Variants in RNF212 observed in about 807,000 individuals in gnomAD.
RNF212 encodes the protein probable E3 SUMO-protein ligase RNF212.
In RNF212, 33 loss-of-function variants were observed where a neutral mutation model predicts 34.7. The ratio of observed to expected loss-of-function variants is 0.95; its 90% CI spans 0.72 to 1.27. The LOEUF is 1.27. Among genes scored for constraint, RNF212 ranks in the 50% most tolerant of loss-of-function variants. RNF212 has a pLI of 0.00. For synonymous variants in RNF212, 140 were observed against 136.1 expected (o/e 1.03, Z -0.20); for missense variants, 377 against 362.2 (o/e 1.04, Z -0.33).
chr4:1,078,695 G>C (rs1256258294), intron 8 of RNF212, among the ~76,000 whole-genome samples: 3 of 152,260 alleles, frequency 2.0e-5, no homozygotes, highest in African/African-American at 7.2e-5. Context: ...CACCAACAGA[G>C]ACTGACAGGG....
chr4:1,076,440 C>T (rs1719316711), intron 8 of RNF212, among the ~76,000 whole-genome samples: 1 of 152,216 alleles, frequency 6.6e-6, no homozygotes, highest in African/African-American at 2.4e-5. Context: ...AGGAACCCCA[C>T]CAAGAGCACC....
chr4:1,103,404 C>G (rs947362009), intron 2 of RNF212, among the ~76,000 whole-genome samples: 7 of 152,052 alleles, frequency 4.6e-5, no homozygotes, highest in Non-Finnish European at 7.4e-5. Context: ...GAAACCAGAA[C>G]AGACCTGATT....
chr4:1,082,033 T>C, intron 5 of RNF212: 1 of 238,662 alleles, frequency 4.2e-6, no homozygotes, highest in Non-Finnish European at 8.3e-6. Context: ...GGAGGATTGG[T>C]TGAGCCCAGG....
rs371414918 is a variant in RNF212, at chr4:1,111,744, C to A, written c.109+1612G>T. Among the ~76,000 whole-genome samples the A allele has an allele frequency of 2.6e-5, 4 of 152,264 alleles. No homozygotes were observed. In the South Asian group the frequency reaches 8.3e-4, roughly 32 times the overall value. On this transcript the variant is annotated intron_variant, in intron 1 of 9. Coordinates refer to ENST00000433731, the MANE Select transcript of RNF212 (RefSeq NM_001131034.4). ...AACAACTCCACTCCCAGGTTACACA[C>A]CCAACAGAAATGTGTACCTAAGATC...
chr4:1,073,889 C>T, intron 8 of RNF212: 1 of 550,814 alleles, frequency 1.8e-6, no homozygotes. Context: ...GTTTGATTCC[C>T]TCTGTTCCAC....
intron 3 of RNF212, among the ~76,000 whole-genome samples, chr4:1,093,052 G>A (rs1352582255): frequency 9.1e-6 from 1 of 110,086 alleles, no homozygotes; most frequent in East Asian, 2.7e-4. Context: ...TGGATGGAAC[G>A]GATCTTAGAG....
At position 1,080,023 on chromosome 4, in the gene RNF212, G is replaced by A. The variant is rs1026916828; in HGVS notation, c.465-335C>T. Among the ~76,000 whole-genome samples the A allele has an allele frequency of 5.3e-5, 8 of 152,148 alleles. No individual in the cohort carries two copies. The East Asian group carries it at 7.7e-4, about 15-fold the overall frequency. The stretch of plus-strand genomic sequence containing the variant: ...CCTTCTCTTCTCTCTGCCAACACCT[G>A]CCTGGAGCCTGCTGGACTAGGACGT... On this transcript the variant is annotated intron_variant, in intron 7 of 9. Coordinates refer to ENST00000433731, the MANE Select transcript of RNF212 (RefSeq NM_001131034.4).
chr4:1,077,208 C>CT (rs1719456500), intron 8 of RNF212, among the ~76,000 whole-genome samples: 1 of 152,130 alleles, frequency 6.6e-6, no homozygotes. Context: ...AGCCTATAGG[C>CT]AATAGAGTGA....
At chr4:1,087,612 G>A (rs1352828727) in intron 4 of RNF212, among the ~76,000 whole-genome samples, 1 of 150,884 alleles carries the variant, frequency 6.6e-6, no homozygotes, top group Non-Finnish European at 1.5e-5. Flanking sequence ...GTAAAGGGGT[G>A]ACAGAATGGG....
chr4:1,104,572 G>T (rs962770695), intron 2 of RNF212, among the ~76,000 whole-genome samples: 2 of 152,164 alleles, frequency 1.3e-5, no homozygotes, highest in African/African-American at 4.8e-5. Context: ...GTACAGCCAG[G>T]TGCCCAGGAA....
chr4:1,076,591 A>C (rs1719346603), intron 8 of RNF212, among the ~76,000 whole-genome samples: 1 of 152,230 alleles, frequency 6.6e-6, no homozygotes, highest in African/African-American at 2.4e-5. Context: ...ACCTCTGCTC[A>C]GGCTGAGGGT....
chr4:1,105,102 T>C (rs1724604043), intron 2 of RNF212, among the ~76,000 whole-genome samples: 1 of 152,160 alleles, frequency 6.6e-6, no homozygotes, highest in African/African-American at 2.4e-5. Context: ...CCCTCAAGAC[T>C]TATCTCTTAC....
At chr4:1,076,592 G>A (rs1719346999) in intron 8 of RNF212, among the ~76,000 whole-genome samples, 1 of 152,220 alleles carries the variant, frequency 6.6e-6, no homozygotes, top group African/African-American at 2.4e-5. Context: ...CCTCTGCTCA[G>A]GCTGAGGGTT....
At chr4:1,101,195 A>G (rs998983324) in intron 2 of RNF212, 2 of 243,096 alleles carry the variant, frequency 8.2e-6, no homozygotes, top group Non-Finnish European at 1.7e-5. Context: ...AACGACTGGC[A>G]CTCACAGTGC....
chr4:1,094,884 CA>C (rs1722799109), intron 3 of RNF212, among the ~76,000 whole-genome samples: 1 of 152,284 alleles, frequency 6.6e-6, no homozygotes, highest in East Asian at 1.9e-4. Flanking sequence ...ACACCAAAAG[CA>C]AAAACAATAA....
intron 3 of RNF212, among the ~76,000 whole-genome samples, chr4:1,064,247 G>A (rs1717941574): frequency 6.6e-6 from 1 of 152,200 alleles, no homozygotes; most frequent in African/African-American, 2.4e-5. Context: ...GCAGGTGGGA[G>A]GAAGCGGAGC....
intron 3 of RNF212, among the ~76,000 whole-genome samples, chr4:1,091,557 C>A (rs983494568): frequency 6.6e-6 from 1 of 152,184 alleles, no homozygotes; most frequent in Non-Finnish European, 1.5e-5. Context: ...AGCTCCATCC[C>A]CCACTTCACT....
At chr4:1,106,221 C>T (rs1053809130) in intron 2 of RNF212, among the ~76,000 whole-genome samples, 1 of 150,720 alleles carries the variant, frequency 6.6e-6, no homozygotes, top group Non-Finnish European at 1.5e-5. Flanking sequence ...GAAGCAGGAA[C>T]AACTTCTACA....
chr4:1,098,480 G>A (rs1453017350), intron 2 of RNF212, among the ~76,000 whole-genome samples: 1 of 152,238 alleles, frequency 6.6e-6, no homozygotes, highest in Non-Finnish European at 1.5e-5. Flanking sequence ...GAGCATCCTG[G>A]AGGTGAGCTC....
Sources: allele counts gnomAD v4.1 joint callset (sites outside exome capture counted in the v4.1 genomes callset), GRCh38; gene constraint gnomAD v4.1.1; transcripts MANE v1.5; gene names NCBI Gene and HGNC (gene_info 2026-07-23, HGNC 2026-07-21).